The following CHST11 variants were observed in gnomAD, a reference collection of about 807,000 sequenced individuals.
CHST11 encodes the protein C4S-1.
In CHST11, 9 loss-of-function variants were observed where a neutral mutation model predicts 30.4. The observed-to-expected ratio is 0.30, with a 90% CI of 0.18 to 0.52. CHST11 has a LOEUF of 0.52. Ranked by LOEUF, CHST11 falls within the 20% of genes least tolerant of loss-of-function variation. CHST11 has a pLI of 0.97. For synonymous variants in CHST11, 152 were observed against 187.8 expected (o/e 0.81, Z 1.56); for missense variants, 348 against 460.6 (o/e 0.76, Z 2.24).
chr12:104,494,643 G>A (rs933473308), intron 1 of CHST11, among the ~76,000 whole-genome samples: 3 of 152,186 alleles, frequency 2.0e-5, no homozygotes, highest in South Asian at 2.1e-4. Context: ...TGTCGTAGGC[G>A]TATTAGCTCT....
intron 2 of CHST11, among the ~76,000 whole-genome samples, chr12:104,665,143 G>A (rs2039630848): frequency 6.6e-6 from 1 of 152,210 alleles, no homozygotes; most frequent in Non-Finnish European, 1.5e-5. Flanking sequence ...GCAGATGTAT[G>A]AGAATAACCT....
At chr12:104,749,401 T>C (rs998453309) in intron 2 of CHST11, among the ~76,000 whole-genome samples, 12 of 152,244 alleles carry the variant, frequency 7.9e-5, no homozygotes, top group Non-Finnish European at 1.5e-4. Flanking sequence ...ATATTTTTTT[T>C]CTATTTTTAT....
intron 2 of CHST11, among the ~76,000 whole-genome samples, chr12:104,739,259 A>G (rs541743457): frequency 6.6e-6 from 1 of 152,334 alleles, no homozygotes; most frequent in South Asian, 2.1e-4. Flanking sequence ...AAGTGACATC[A>G]GCCACTCTCC....
chr12:104,602,298 C>T (rs1005852766), intron 2 of CHST11: 5 of 429,046 alleles, frequency 1.2e-5, no homozygotes, highest in Non-Finnish European at 2.1e-5. Context: ...AAAGGTCCAC[C>T]GAAGCTGTGC....
rs115249699 is a variant in CHST11, at chr12:104,579,655, C to T, written c.119-22251C>T. On this transcript the variant is annotated intron_variant, in intron 1 of 2. Transcript: ENST00000303694. ...ACTTTCATTTGTCAATGTGTGGATG[C>T]GCCGCCCCTCTCCCCGGGGTGTATT... is the stretch of plus-strand genomic sequence containing the variant. 3.2e-3 allele frequency among the ~76,000 whole-genome samples: 485 copies of T among 152,222 alleles called. 2 individuals carry two copies. Among genetic ancestry groups the T allele is most frequent in the African/African-American group, 0.011 (457 of 41,522 alleles).
At chr12:104,542,709 G>T (rs1481278537) in intron 1 of CHST11, among the ~76,000 whole-genome samples, 1 of 152,202 alleles carries the variant, frequency 6.6e-6, no homozygotes, top group Admixed American at 6.5e-5. Context: ...GGATAGTGGG[G>T]AAGACCTATT....
intron 2 of CHST11, among the ~76,000 whole-genome samples, chr12:104,641,427 G>T (rs1368578979): frequency 6.6e-6 from 1 of 152,094 alleles, no homozygotes; most frequent in Admixed American, 6.5e-5. Flanking sequence ...TACAGAGTTC[G>T]CTCTTGCTGG....
intron 1 of CHST11, among the ~76,000 whole-genome samples, chr12:104,490,949 C>T (rs976765182): frequency 2.0e-5 from 3 of 152,048 alleles, no homozygotes; most frequent in African/African-American, 7.2e-5. Context: ...TCACATTTCA[C>T]TTCTCTCTCT....
rs192318274 is a variant in CHST11 at position 104,578,795 on chromosome 12, G to A, written c.119-23111G>A. On this transcript the variant is annotated intron_variant, in intron 1 of 2. Transcript: ENST00000303694. ...TAGAGAGATAGGAATTCTTGAGGAG[G>A]CTGTGAAAAGCCAACAGTGTTAATT... Among the ~76,000 whole-genome samples the A allele has an allele frequency of 3.9e-4, 59 of 152,318 alleles. 2 individuals carry two copies. In the South Asian group the frequency reaches 6.4e-3, roughly 17 times the overall value.
At chr12:104,566,271 C>T (rs994112996) in intron 1 of CHST11, among the ~76,000 whole-genome samples, 2 of 152,126 alleles carry the variant, frequency 1.3e-5, no homozygotes. Context: ...CTGTTCTTTC[C>T]CCTAAGCCCT....
At chr12:104,574,094 A>G (rs971530926) in intron 1 of CHST11, among the ~76,000 whole-genome samples, 3 of 152,250 alleles carry the variant, frequency 2.0e-5, no homozygotes, top group Admixed American at 6.5e-5. Flanking sequence ...TATGCAGCCA[A>G]AAGACACATG....
chr12:104,751,663 T>C (rs970166627), intron 2 of CHST11, among the ~76,000 whole-genome samples: 14 of 152,234 alleles, frequency 9.2e-5, no homozygotes, highest in African/African-American at 3.1e-4. Context: ...TAACTACCTG[T>C]TTTGTGCCAT....
At chr12:104,706,337 T>C in intron 2 of CHST11, among the ~76,000 whole-genome samples, 1 of 150,724 alleles carries the variant, frequency 6.6e-6, no homozygotes, top group South Asian at 2.1e-4. Context: ...TGAGCCGAGA[T>C]TGCACCACTG....
intron 2 of CHST11, among the ~76,000 whole-genome samples, chr12:104,615,087 G>A (rs1053451435): frequency 7.2e-5 from 11 of 152,104 alleles, no homozygotes; most frequent in Admixed American, 1.3e-4. Flanking sequence ...TGGGCCTGCC[G>A]CAGGCCATAG....
intron 2 of CHST11, among the ~76,000 whole-genome samples, chr12:104,708,016 TACAC>T (rs1429910947): frequency 6.6e-6 from 1 of 152,236 alleles, no homozygotes; most frequent in East Asian, 1.9e-4. Context: ...CACATGCACA[TACAC>T]ACAACACACA....
chr12:104,633,124 A>C (rs1408605560), intron 2 of CHST11, among the ~76,000 whole-genome samples: 1 of 152,172 alleles, frequency 6.6e-6, no homozygotes, highest in African/African-American at 2.4e-5. Flanking sequence ...AAGCAGGATG[A>C]GGGGGCTGCC....
At chr12:104,637,631 G>T (rs985271951) in intron 2 of CHST11, among the ~76,000 whole-genome samples, 2 of 151,886 alleles carry the variant, frequency 1.3e-5, no homozygotes, top group Non-Finnish European at 2.9e-5. Flanking sequence ...GTCCATGAGG[G>T]CCCCGCCACT....
At chr12:104,702,571 G>C (rs146273080) in intron 2 of CHST11, among the ~76,000 whole-genome samples, 8 of 152,240 alleles carry the variant, frequency 5.3e-5, no homozygotes, top group African/African-American at 1.7e-4. Context: ...ACTGCACCCA[G>C]CTGATTCCTC....
chr12:104,459,028 A>G (rs907527757), intron 1 of CHST11, among the ~76,000 whole-genome samples: 2 of 152,220 alleles, frequency 1.3e-5, no homozygotes, highest in Non-Finnish European at 2.9e-5. Flanking sequence ...CCACACTGCC[A>G]AGGATATGGT....
Sources: gnomAD v4.1 joint callset for allele counts (sites outside exome capture counted in the v4.1 genomes callset) on GRCh38, gnomAD v4.1.1 for gene constraint, MANE v1.5 for transcripts, NCBI Gene and HGNC (gene_info 2026-07-23, HGNC 2026-07-21) for gene names.